XKR6: variants seen among roughly 807,000 people sequenced by gnomAD.
XKR6 encodes the protein XK-related protein 6.
In XKR6, 22 loss-of-function variants were observed where a neutral mutation model predicts 56.7. The ratio of observed to expected loss-of-function variants is 0.39; its 90% CI spans 0.28 to 0.55. The LOEUF is 0.55. Ranked by LOEUF, XKR6 falls within the 20% of genes least tolerant of loss-of-function variation. The pLI is 0.66. For synonymous variants in XKR6, 524 were observed against 387.8 expected, an observed-to-expected ratio of 1.35 and a Z score of -4.13; for missense variants, 852 against 889.0, an observed-to-expected ratio of 0.96 and a Z score of 0.53.
At chr8:11,151,543 T>C (rs1163975404) in intron 1 of XKR6, among the ~76,000 whole-genome samples, 1 of 152,212 alleles carries the variant, frequency 6.6e-6, no homozygotes, top group Non-Finnish European at 1.5e-5. Flanking sequence ...GAACAAGATG[T>C]GACATTTCCC....
rs141340776 is a variant in XKR6, at chr8:11,136,108, C to T, written c.764+64468G>A. On this transcript the variant is annotated intron_variant, in intron 1 of 2. Coordinates refer to ENST00000416569, the MANE Select transcript of XKR6 (RefSeq NM_173683.4). The stretch of plus-strand genomic sequence containing the variant: ...AGAACATAAAAACTAGTGCATCCCA[C>T]CACCGGAAGTATCTGCGAGGCAATA... 4.0e-3 allele frequency among the ~76,000 whole-genome samples: 608 copies of T among 152,280 alleles called. 16 individuals carry two copies. Among genetic ancestry groups the T allele is most frequent in the Admixed American group, 0.034 (517 of 15,296 alleles).
chr8:11,103,017 C>T (rs1471524063), intron 1 of XKR6, among the ~76,000 whole-genome samples: 2 of 152,118 alleles, frequency 1.3e-5, no homozygotes, highest in Non-Finnish European at 2.9e-5. Flanking sequence ...TCCACTCAGA[C>T]CAAATTCTCA....
rs780354173 is a variant in XKR6, at chr8:11,201,498, C to T, written c.-159G>A. 3 of 561,384 alleles carry T rather than the reference C, an allele frequency of 5.3e-6. No homozygotes were observed. The highest frequency in any genetic ancestry group is 9.3e-6 in the Non-Finnish European group (3 of 321,650). 34.8% of individuals were successfully genotyped at this position (561,384 alleles called of 1,614,324 possible). On this transcript the variant is annotated 5_prime_UTR_variant, in exon 1 of 3. Transcript: ENST00000416569. ...CGAGGGGGGAGTGGGCCAGGGAACC[C>T]CCTCCGCTTCCGGGTAGTTGGCGTC...
intron 1 of XKR6, among the ~76,000 whole-genome samples, chr8:10,947,886 G>A (rs984850882): frequency 2.1e-4 from 32 of 152,154 alleles, no homozygotes; most frequent in Admixed American, 1.1e-3. Context: ...GCCAAGGGAA[G>A]AGCATTCCTG....
chr8:11,105,697 G>C (rs1798650085), intron 1 of XKR6: 1 of 152,066 alleles, frequency 6.6e-6, no homozygotes, highest in African/African-American at 2.4e-5. Context: ...ACAGTACAAA[G>C]CTCTTTTATT....
At chr8:11,079,456 A>T (rs183236883) in intron 1 of XKR6, among the ~76,000 whole-genome samples, 22 of 152,372 alleles carry the variant, frequency 1.4e-4, no homozygotes, top group Admixed American at 2.6e-4. Context: ...TTTTTGTAAA[A>T]TAAAATCTGT....
At chr8:10,959,184 C>T (rs528848641) in intron 1 of XKR6, among the ~76,000 whole-genome samples, 4 of 152,266 alleles carry the variant, frequency 2.6e-5, no homozygotes, top group South Asian at 2.1e-4. Flanking sequence ...TCCTGGTCAC[C>T]GGATCTCTCC....
intron 1 of XKR6, among the ~76,000 whole-genome samples, chr8:11,165,886 T>A (rs1157158884): frequency 6.6e-6 from 1 of 152,022 alleles, no homozygotes; most frequent in Non-Finnish European, 1.5e-5. Context: ...AACCATAAGT[T>A]CTGAAAAAGC....
chr8:11,127,147 C>T (rs573233303), intron 1 of XKR6, among the ~76,000 whole-genome samples: 5 of 152,146 alleles, frequency 3.3e-5, no homozygotes, highest in African/African-American at 1.2e-4. Flanking sequence ...AACTCCCTTC[C>T]GGCAATCCCA....
intron 1 of XKR6, among the ~76,000 whole-genome samples, chr8:11,016,466 A>C (rs968165037): frequency 6.6e-6 from 1 of 152,140 alleles, no homozygotes; most frequent in Non-Finnish European, 1.5e-5. Context: ...AGGCGCAGAC[A>C]ACAAGCTAGA....
In XKR6 at chr8:11,057,892, C is replaced by T. The variant is rs115705718; in HGVS notation, c.765-133062G>A. On this transcript the variant is annotated intron_variant, in intron 1 of 2. Coordinates refer to ENST00000416569, the MANE Select transcript of XKR6 (RefSeq NM_173683.4). The stretch of plus-strand genomic sequence containing the variant: ...ATGAATCACAGCGCTGAGCACCTGC[C>T]GCATCTGACAGACATTGAAGGTGTA... 3.5e-3 allele frequency among the ~76,000 whole-genome samples: 535 copies of T among 152,266 alleles called. 2 individuals carry two copies. Among genetic ancestry groups the T allele is most frequent in the African/African-American group, 0.012 (490 of 41,556 alleles).
chr8:10,967,578 G>A (rs572694371), intron 1 of XKR6, among the ~76,000 whole-genome samples: 4 of 152,318 alleles, frequency 2.6e-5, no homozygotes, highest in Admixed American at 6.5e-5. Context: ...ACACCAGAGT[G>A]CCCAGCCCTG....
chr8:11,059,659 CGCGGGGCGGG>C (rs1563110051), intron 1 of XKR6, among the ~76,000 whole-genome samples: 1 of 129,314 alleles, frequency 7.7e-6, no homozygotes, highest in African/African-American at 4.3e-5. Context: ...GTGCGGGGGG[CGCGGGGCGGG>C]ACAGGTGCGG....
At chr8:10,968,917 C>T (rs1458893136) in intron 1 of XKR6, among the ~76,000 whole-genome samples, 1 of 152,228 alleles carries the variant, frequency 6.6e-6, no homozygotes, top group African/African-American at 2.4e-5. Flanking sequence ...ACAGGAGTGG[C>T]TATCCTTTTA....
intron 1 of XKR6, among the ~76,000 whole-genome samples, chr8:11,102,509 G>C (rs75782340): frequency 6.6e-6 from 1 of 152,158 alleles, no homozygotes; most frequent in East Asian, 1.9e-4. Flanking sequence ...AAAAGGTGGG[G>C]ACAGACAGGA....
intron 2 of XKR6, among the ~76,000 whole-genome samples, chr8:10,923,218 G>A (rs200934064): frequency 6.6e-6 from 1 of 152,142 alleles, no homozygotes; most frequent in African/African-American, 2.4e-5. Flanking sequence ...AGCTCAGTGT[G>A]GGTCTCAGGC....
At chr8:10,955,374 T>C (rs889044936) in intron 1 of XKR6, among the ~76,000 whole-genome samples, 1 of 152,092 alleles carries the variant, frequency 6.6e-6, no homozygotes, top group Non-Finnish European at 1.5e-5. Context: ...ACAGACAAAG[T>C]GTCACTATGT....
intron 1 of XKR6, among the ~76,000 whole-genome samples, chr8:11,155,737 C>T (rs542022547): frequency 6.6e-6 from 1 of 152,304 alleles, no homozygotes; most frequent in East Asian, 1.9e-4. Flanking sequence ...TTACTCAAAC[C>T]TCCCACCCGT....
At chr8:11,130,031 C>T (rs1044965521) in intron 1 of XKR6, among the ~76,000 whole-genome samples, 5 of 152,052 alleles carry the variant, frequency 3.3e-5, no homozygotes, top group African/African-American at 4.8e-5. Context: ...GACAATAAAG[C>T]GCTGAAATTA....
Sources: allele counts gnomAD v4.1 joint callset (sites outside exome capture counted in the v4.1 genomes callset), GRCh38; gene constraint gnomAD v4.1.1; transcripts MANE v1.5; gene names NCBI Gene and HGNC (gene_info 2026-07-23, HGNC 2026-07-21).